TMEM52B: variants seen among roughly 807,000 people sequenced by gnomAD.
The protein encoded by TMEM52B is chromosome 12 open reading frame 59.
TMEM52B carries 11 observed loss-of-function variants against 16.1 expected under a neutral mutation model. The observed-to-expected ratio is 0.68, with a 90% CI of 0.43 to 1.13. The LOEUF is 1.13. Among genes scored for constraint, TMEM52B ranks in the 50% most tolerant of loss-of-function variants. The probability of loss-of-function intolerance (pLI) is 0.00; values close to 1 mark genes in which losing one functional copy is unlikely to be tolerated. For synonymous variants in TMEM52B, 101 were observed against 93.8 expected, an observed-to-expected ratio of 1.08 and a Z score of -0.45; for missense variants, 243 against 230.4, an observed-to-expected ratio of 1.05 and a Z score of -0.35.
chr12:10,178,378 C>A (rs1948784325), upstream of TMEM52B, among the ~76,000 whole-genome samples: 1 of 151,714 alleles, frequency 6.6e-6, no homozygotes. Flanking sequence ...AAAAACTTAG[C>A]CGGGCGTGGT....
intron 1 of TMEM52B, chr12:10,172,353 C>A (rs1185331698): frequency 3.2e-6 from 1 of 312,882 alleles, no homozygotes; most frequent in East Asian, 6.0e-5. Context: ...AACTATTTTT[C>A]ATGAGCATCA....
chr12:10,188,410 G>A (rs994363043), intron 4 of TMEM52B, among the ~76,000 whole-genome samples: 2 of 151,490 alleles, frequency 1.3e-5, no homozygotes, highest in Non-Finnish European at 2.9e-5. Flanking sequence ...AGTGAGCCGA[G>A]ATGGCGCCAC....
At chr12:10,177,353 T>C (rs1942910828), upstream of TMEM52B, among the ~76,000 whole-genome samples, 2 of 152,200 alleles carry the variant, frequency 1.3e-5, no homozygotes, top group Admixed American at 1.3e-4. Context: ...TTGTTTTCCT[T>C]AGCTGAGAAC....
At chr12:10,172,501 G>T in intron 1 of TMEM52B, 1 of 162,384 alleles carries the variant, frequency 6.2e-6, no homozygotes, top group Admixed American at 5.9e-5. Context: ...AATTTCATTA[G>T]CAGACTGTTT....
upstream of TMEM52B, among the ~76,000 whole-genome samples, chr12:10,177,448 G>A (rs2137538849): frequency 6.6e-6 from 1 of 152,148 alleles, no homozygotes; most frequent in South Asian, 2.1e-4. Context: ...TCACCCAAGA[G>A]TCTCCCTTCC....
chr12:10,188,253 A>C (rs960204869), intron 4 of TMEM52B, among the ~76,000 whole-genome samples: 63 of 152,064 alleles, frequency 4.1e-4, no homozygotes, highest in African/African-American at 1.1e-3. Context: ...TGAGCTCAGG[A>C]GTTTGAGACC....
rs186943662 is a variant in TMEM52B at position 10,173,153 on chromosome 12, A to C, written c.-95+2302A>C. On this transcript the variant is annotated intron_variant, in intron 1 of 5. Coordinates refer to the TMEM52B transcript ENST00000381923. ...AAAGACGCTTACATGAGAGACCCAT[A>C]AGTATGTCTATATGTATTTACTGAT... Among the ~76,000 whole-genome samples, 159 of 152,302 alleles carry C rather than the reference A, an allele frequency of 1.0e-3. 2 individuals carry two copies. Among genetic ancestry groups the C allele is most frequent in the African/African-American group, 3.3e-3 (139 of 41,576 alleles).
intron 4 of TMEM52B, among the ~76,000 whole-genome samples, chr12:10,189,641 A>AAGAGAG (rs756687270): frequency 6.8e-6 from 1 of 147,158 alleles, no homozygotes; most frequent in Non-Finnish European, 1.5e-5. Context: ...AAAAAAAAAA[A>AAGAGAG]AGAGAGAGAG....
chr12:10,186,587 C>G lies in TMEM52B; in HGVS notation c.305C>G (p.Thr102Arg). 1 of 1,571,150 alleles carries G rather than the reference C, an allele frequency of 6.4e-7. No individual in the cohort carries two copies. The highest frequency in any genetic ancestry group is 8.7e-7 in the Non-Finnish European group (1 of 1,151,092). Residue 102 changes from threonine to arginine, a missense_variant and splice_region_variant, in exon 4 of 5, where the codon ACA becomes AGA. Thr to Arg is a moderately conservative substitution (Grantham distance 71). Transcript: ENST00000543484. ...GACAGCACTCTCCAGAGCACTATCA[C>G]ATGTGAGTACACTGAACTTTTAACC... is the stretch of plus-strand genomic sequence containing the variant. The part of the protein sequence containing the change: ...DHDSTLQSTI[T>R]SLQSVFGPAA...
chr12:10,182,100 ACT>A, intron 1 of TMEM52B: 1 of 983,030 alleles, frequency 1.0e-6, no homozygotes, highest in African/African-American at 1.8e-5. Flanking sequence ...GATAAATAAG[ACT>A]CTCTGTCCCA....
At chr12:10,187,190 G>A (rs976141915) in intron 4 of TMEM52B, among the ~76,000 whole-genome samples, 3 of 127,410 alleles carry the variant, frequency 2.4e-5, no homozygotes, top group South Asian at 5.4e-4. Context: ...TGCAACCTCC[G>A]CCTTCCGGGT....
At chr12:10,178,814 C>T (rs1948790204), upstream of TMEM52B, among the ~76,000 whole-genome samples, 1 of 152,120 alleles carries the variant, frequency 6.6e-6, no homozygotes. Context: ...ACTGATAACA[C>T]CTGAAAATTC....
In TMEM52B at chr12:10,189,896, C is replaced by T; in HGVS notation, c.308C>T (p.Ser103Phe). Reference sequence around the variant, plus strand: ...AGCTCTGTTCCTTCTTTCTTCACAGCTCTGCAGTCGGTGTTTGGCCCTGCA... The same window carrying T: ...AGCTCTGTTCCTTCTTTCTTCACAGTTCTGCAGTCGGTGTTTGGCCCTGCA... ...HDSTLQSTITSLQSVFGPAAR... is the reference protein window; with the variant it reads ...HDSTLQSTITFLQSVFGPAAR... Residue 103 changes from serine (S) to phenylalanine (F), a missense_variant and splice_region_variant, in exon 5 of 5, where the codon TCT becomes TTT. Ser to Phe is a radical substitution (Grantham distance 155). Coordinates refer to ENST00000543484, the MANE Select transcript of TMEM52B (RefSeq NM_001384896.1). 1 of 1,613,662 alleles carries T rather than the reference C, an allele frequency of 6.2e-7. No homozygotes were observed. The highest frequency in any genetic ancestry group is 8.5e-7 in the Non-Finnish European group (1 of 1,180,020).
At chr12:10,183,697 C>T (rs1182595599) in intron 2 of TMEM52B, among the ~76,000 whole-genome samples, 1 of 151,888 alleles carries the variant, frequency 6.6e-6, no homozygotes, top group East Asian at 1.9e-4. Context: ...TTTACAATTG[C>T]CATAGTGAAC....
chr12:10,189,388 C>T (rs988579479), intron 4 of TMEM52B, among the ~76,000 whole-genome samples: 5 of 151,962 alleles, frequency 3.3e-5, no homozygotes, highest in Admixed American at 6.6e-5. Flanking sequence ...CTTTGGGAGG[C>T]CAAGGCGGGT....
At chr12:10,188,978 C>T (rs1948919703) in intron 4 of TMEM52B, among the ~76,000 whole-genome samples, 1 of 137,108 alleles carries the variant, frequency 7.3e-6, no homozygotes, top group Non-Finnish European at 1.5e-5. Flanking sequence ...GATCGCGCCA[C>T]TGCACTCCAG....
chr12:10,180,331 T>C (rs1227387077), intron 1 of TMEM52B, among the ~76,000 whole-genome samples: 1 of 152,030 alleles, frequency 6.6e-6, no homozygotes, highest in African/African-American at 2.4e-5. Flanking sequence ...AAATCCATTT[T>C]TTCTTATATT....
chr12:10,183,255 G>C (rs895780499), intron 2 of TMEM52B, among the ~76,000 whole-genome samples: 1 of 152,244 alleles, frequency 6.6e-6, no homozygotes, highest in South Asian at 2.1e-4. Flanking sequence ...CAATAGCCAG[G>C]TCTGTTAAAC....
upstream of TMEM52B, among the ~76,000 whole-genome samples, chr12:10,174,293 C>T (rs1948750389): frequency 6.6e-6 from 1 of 152,078 alleles, no homozygotes; most frequent in South Asian, 2.1e-4. Context: ...GAACTCCTGT[C>T]CTCAAGTGAT....
Sources: gnomAD v4.1 joint callset for allele counts (sites outside exome capture counted in the v4.1 genomes callset) on GRCh38, gnomAD v4.1.1 for gene constraint, MANE v1.5 for transcripts, NCBI Gene and HGNC (gene_info 2026-07-23, HGNC 2026-07-21) for gene names.